Variants in ABI3BP observed in about 807,000 individuals in gnomAD.
The protein encoded by ABI3BP is target of Nesh-SH3.
In ABI3BP, 216 loss-of-function variants were observed where a neutral mutation model predicts 268.6. The observed-to-expected ratio is 0.80, with a 90% CI of 0.72 to 0.90. ABI3BP has a LOEUF of 0.90. Among genes scored for constraint, ABI3BP ranks in the 40% least tolerant of loss-of-function variants. ABI3BP has a pLI of 0.00. For synonymous variants in ABI3BP, 730 were observed against 730.0 expected (o/e 1.00, Z 0.00); for missense variants, 2,090 against 2,182.4 (o/e 0.96, Z 0.84).
chr3:100,866,077 G>C (rs1358595354), intron 10 of ABI3BP, among the ~76,000 whole-genome samples: 1 of 152,194 alleles, frequency 6.6e-6, no homozygotes, highest in Non-Finnish European at 1.5e-5. Context: ...CTCTGGACCA[G>C]TTACGAGTCC....
intron 1 of ABI3BP, among the ~76,000 whole-genome samples, chr3:100,959,478 A>C (rs2078117002): frequency 7.8e-6 from 1 of 127,922 alleles, no homozygotes; most frequent in South Asian, 2.9e-4. Context: ...CGACAGAGCG[A>C]GACTCCGTCT....
chr3:100,824,997 G>A (rs868466323), intron 35 of ABI3BP, 56 bp from the exon 36 acceptor site: 2 of 1,435,686 alleles, frequency 1.4e-6, no homozygotes, highest in Non-Finnish European at 1.9e-6. Context: ...GGATACTGAG[G>A]AAAGGTTTTT....
intron 1 of ABI3BP, among the ~76,000 whole-genome samples, chr3:100,983,042 A>T (rs546868724): frequency 6.6e-6 from 1 of 152,338 alleles, no homozygotes; most frequent in East Asian, 1.9e-4. Context: ...ACACGTGCAC[A>T]GTGGCCTCTC....
intron 1 of ABI3BP, among the ~76,000 whole-genome samples, chr3:100,991,537 C>G (rs1320370483): frequency 4.6e-5 from 7 of 152,120 alleles, no homozygotes; most frequent in South Asian, 2.1e-4. Flanking sequence ...ACCCTCACCC[C>G]AAACTCTACC....
chr3:100,916,604 C>T (rs188051803), intron 2 of ABI3BP, among the ~76,000 whole-genome samples: 7 of 152,254 alleles, frequency 4.6e-5, no homozygotes, highest in African/African-American at 1.2e-4. Flanking sequence ...TTTAATAACC[C>T]ATTTCCATAA....
At chr3:100,803,291 A>G in intron 51 of ABI3BP, among the ~76,000 whole-genome samples, 1 of 145,650 alleles carries the variant, frequency 6.9e-6, no homozygotes. Context: ...TTTGTATGAA[A>G]AGCAAGGTGT....
At chr3:100,774,742 G>T in intron 60 of ABI3BP, 69 bp from the exon 61 acceptor site, 1 of 1,182,266 alleles carries the variant, frequency 8.5e-7, no homozygotes, top group Non-Finnish European at 1.2e-6. Context: ...TGAAAAAGTT[G>T]TAGACTAAAG....
chr3:100,857,820 T>C (rs2098956410), intron 14 of ABI3BP, among the ~76,000 whole-genome samples: 1 of 152,224 alleles, frequency 6.6e-6, no homozygotes, highest in African/African-American at 2.4e-5. Context: ...TTCTAGGGAC[T>C]TTGGAAGTCT....
intron 12 of ABI3BP, 22 bp from the exon 13 acceptor site, chr3:100,862,931 A>C: frequency 6.6e-7 from 1 of 1,514,030 alleles, no homozygotes; most frequent in Non-Finnish European, 8.9e-7. Context: ...CACATAAAGA[A>C]AGTTACGACC....
chr3:100,861,538 T>C (rs1040687833), intron 14 of ABI3BP, among the ~76,000 whole-genome samples: 8 of 152,194 alleles, frequency 5.3e-5, no homozygotes, highest in African/African-American at 1.9e-4. Flanking sequence ...TAAAGGATGG[T>C]TTCTGAGGTC....
intron 1 of ABI3BP, among the ~76,000 whole-genome samples, chr3:100,985,445 G>T (rs1202148468): frequency 6.6e-6 from 1 of 152,030 alleles, no homozygotes; most frequent in Non-Finnish European, 1.5e-5. Flanking sequence ...CACCATGCCT[G>T]GCCAGAAAAG....
intron 50 of ABI3BP, among the ~76,000 whole-genome samples, chr3:100,807,457 A>T (rs1215137767): frequency 6.6e-6 from 1 of 152,040 alleles, no homozygotes; most frequent in Non-Finnish European, 1.5e-5. Flanking sequence ...GAACATATTT[A>T]AAATTATGCT....
At position 100,898,857 on chromosome 3, in the gene ABI3BP, A is replaced by AACC. The variant is rs1474523409; in HGVS notation, c.363_365dup (p.Val122dup). 4 of 1,613,352 alleles carry AACC rather than the reference A, an allele frequency of 2.5e-6. No homozygotes were observed. In the South Asian group the frequency reaches 4.4e-5, roughly 18 times the overall value. ...AGACCGAGCTCGGTGTCAGAGTGCC[A>AACC]ACCACCAGCTGCAGAGGTTTGCGAG... is the stretch of plus-strand genomic sequence containing the variant. On this transcript the variant is annotated inframe_insertion, in exon 4 of 68. Transcript: ENST00000471714.
intron 21 of ABI3BP, among the ~76,000 whole-genome samples, chr3:100,841,562 C>A (rs1375150354): frequency 2.0e-5 from 3 of 151,724 alleles, no homozygotes; most frequent in African/African-American, 7.3e-5. Context: ...TATCTTCGGG[C>A]AAAAATGGCT....
At chr3:100,869,071 C>G (rs992949232) in intron 9 of ABI3BP, among the ~76,000 whole-genome samples, 1 of 151,910 alleles carries the variant, frequency 6.6e-6, no homozygotes, top group African/African-American at 2.4e-5. Context: ...TAAGAATATC[C>G]CATGTTCTCA....
intron 4 of ABI3BP, among the ~76,000 whole-genome samples, chr3:100,886,580 CTAT>C (rs2042061826): frequency 1.3e-5 from 2 of 152,004 alleles, no homozygotes. Context: ...AATTCTCGTT[CTAT>C]TATTTGCTGC....
In ABI3BP at chr3:100,765,999, C is replaced by T. The variant is rs114127233; in HGVS notation, c.4742-50G>A. 6,247 of 1,383,648 alleles carry T rather than the reference C, an allele frequency of 4.5e-3. 34 individuals are homozygous for T. Among genetic ancestry groups the T allele is most frequent in the Non-Finnish European group, 5.1e-3 (5,089 of 990,300 alleles). The allele number at this position is 1,383,648 out of a possible 1,614,324, so 85.7% of individuals were successfully genotyped here. A position where few individuals can be genotyped will look rare whatever the true frequency, so the allele number is the denominator to read the frequency against. Reference sequence around the variant, plus strand: ...ATACTTGTTTTTATTTCTTGGCTGACTTAATTGCTCCTGAAGCTAATAGCA... The same window carrying T: ...ATACTTGTTTTTATTTCTTGGCTGATTTAATTGCTCCTGAAGCTAATAGCA... On this transcript the variant is annotated intron_variant, in intron 62 of 67. Coordinates refer to ENST00000471714, the MANE Select transcript of ABI3BP (RefSeq NM_001375547.2).
intron 59 of ABI3BP, among the ~76,000 whole-genome samples, chr3:100,777,619 G>T (rs1396648837): frequency 6.6e-6 from 1 of 152,194 alleles, no homozygotes; most frequent in African/African-American, 2.4e-5. Flanking sequence ...GAGAAGCAGT[G>T]CCAAGACTAC....
At chr3:100,843,586 G>C in intron 20 of ABI3BP, 1 of 982,816 alleles carries the variant, frequency 1.0e-6, no homozygotes, top group South Asian at 4.7e-5. Context: ...AGAAGAAAGA[G>C]TGTCTGGGAG....
Sources: gnomAD v4.1 joint callset for allele counts (sites outside exome capture counted in the v4.1 genomes callset) on GRCh38, gnomAD v4.1.1 for gene constraint, MANE v1.5 for transcripts, NCBI Gene and HGNC (gene_info 2026-07-23, HGNC 2026-07-21) for gene names.